The following CMTM8 variants were observed in gnomAD, a reference collection of about 807,000 sequenced individuals.
The protein encoded by CMTM8 is CKLF-like MARVEL transmembrane domain-containing protein 8.
A neutral mutation model predicts 18.6 loss-of-function variants in CMTM8; 12 were observed. The ratio of observed to expected loss-of-function variants is 0.65; its 90% CI spans 0.41 to 1.05. The LOEUF (loss-of-function observed/expected upper bound fraction) is 1.05. Among genes scored for constraint, CMTM8 ranks in the 50% least tolerant of loss-of-function variants. The pLI is 0.00. For missense variants in CMTM8, 217 were observed against 227.2 expected, an observed-to-expected ratio of 0.95 and a Z score of 0.29; for synonymous variants, 87 against 90.6, an observed-to-expected ratio of 0.96 and a Z score of 0.23.
chr3:32,242,545 C>T (rs1043614937), intron 1 of CMTM8, among the ~76,000 whole-genome samples: 1 of 152,074 alleles, frequency 6.6e-6, no homozygotes, highest in Admixed American at 6.6e-5. Context: ...TCAGGCTGGT[C>T]TCGAACTCCT....
At chr3:32,325,452 T>C (rs958505796) in intron 1 of CMTM8, among the ~76,000 whole-genome samples, 3 of 152,206 alleles carry the variant, frequency 2.0e-5, no homozygotes, top group African/African-American at 7.2e-5. Flanking sequence ...CTCTCTTTTT[T>C]TAAGACTCAA....
At chr3:32,307,510 G>A (rs1001013872) in intron 1 of CMTM8, among the ~76,000 whole-genome samples, 7 of 152,156 alleles carry the variant, frequency 4.6e-5, no homozygotes, top group African/African-American at 1.7e-4. Flanking sequence ...GAGATGATAA[G>A]TAAGTCCTTT....
At chr3:32,276,518 G>A (rs1391823879) in intron 1 of CMTM8, among the ~76,000 whole-genome samples, 1 of 152,176 alleles carries the variant, frequency 6.6e-6, no homozygotes, top group Non-Finnish European at 1.5e-5. Context: ...GTAATTGCCT[G>A]TGGCTAGCCA....
intron 1 of CMTM8, among the ~76,000 whole-genome samples, chr3:32,319,074 A>ATATATATATTTTTTTTTTTTTTTT: frequency 1.6e-4 from 5 of 31,526 alleles, no homozygotes; most frequent in Non-Finnish European, 1.5e-4. Flanking sequence ...ATATATATAT[A>ATATATATATTTTTTTTTTTTTTTT]TTTTTTTTTT....
intron 3 of CMTM8, among the ~76,000 whole-genome samples, chr3:32,368,835 A>C (rs1408462008): frequency 6.6e-6 from 1 of 151,748 alleles, no homozygotes; most frequent in African/African-American, 2.4e-5. Context: ...ATTAAAAAAA[A>C]CTGGTATTAA....
intron 1 of CMTM8, among the ~76,000 whole-genome samples, chr3:32,301,338 C>T (rs753819443): frequency 4.0e-5 from 6 of 150,000 alleles, no homozygotes; most frequent in Non-Finnish European, 7.4e-5. Context: ...CAAGAGCTGA[C>T]CTTTTCAAAA....
intron 1 of CMTM8, among the ~76,000 whole-genome samples, chr3:32,271,805 A>G (rs1702442853): frequency 6.6e-6 from 1 of 152,236 alleles, no homozygotes; most frequent in African/African-American, 2.4e-5. Flanking sequence ...GGCTAAAATT[A>G]AACAGTATTT....
At chr3:32,286,943 AGCCCT>A (rs1702697788) in intron 1 of CMTM8, among the ~76,000 whole-genome samples, 1 of 152,264 alleles carries the variant, frequency 6.6e-6, no homozygotes, top group South Asian at 2.1e-4. Flanking sequence ...TGTGGGCTCC[AGCCCT>A]GCCTGATAGC....
intron 1 of CMTM8, among the ~76,000 whole-genome samples, chr3:32,252,544 A>G (rs1216843861): frequency 2.0e-5 from 3 of 152,178 alleles, no homozygotes; most frequent in Non-Finnish European, 1.5e-5. Context: ...ATGTTCTTAA[A>G]GTGCTGAGTT....
chr3:32,278,967 G>C (rs964836059), intron 1 of CMTM8, among the ~76,000 whole-genome samples: 1 of 152,166 alleles, frequency 6.6e-6, no homozygotes, highest in South Asian at 2.1e-4. Context: ...TTACTGGCTC[G>C]TGTATCTGAC....
intron 1 of CMTM8, among the ~76,000 whole-genome samples, chr3:32,265,702 G>T (rs1272295094): frequency 2.1e-5 from 3 of 143,448 alleles, no homozygotes; most frequent in South Asian, 2.3e-4. Context: ...TTGATAGACC[G>T]CTAGCAAGAC....
chr3:32,351,420 T>A (rs1017832386), intron 1 of CMTM8, among the ~76,000 whole-genome samples: 2 of 152,074 alleles, frequency 1.3e-5, no homozygotes, highest in Non-Finnish European at 2.9e-5. Flanking sequence ...GAAAACCAAT[T>A]ATGTCGGCCA....
chr3:32,348,310 T>C (rs535951252), intron 1 of CMTM8, among the ~76,000 whole-genome samples: 2 of 152,260 alleles, frequency 1.3e-5, no homozygotes, highest in East Asian at 3.9e-4. Context: ...GTTTGTTCTC[T>C]GGTGGTTTAA....
chr3:32,347,356 G>A (rs865924334), intron 1 of CMTM8, among the ~76,000 whole-genome samples: 2 of 141,662 alleles, frequency 1.4e-5, no homozygotes, highest in African/African-American at 2.6e-5. Flanking sequence ...GAAACAACTC[G>A]CCTGCAGCTG....
intron 1 of CMTM8, among the ~76,000 whole-genome samples, chr3:32,353,809 G>A (rs1223354844): frequency 6.8e-6 from 1 of 146,852 alleles, no homozygotes; most frequent in Non-Finnish European, 1.5e-5. Context: ...TTTTGAGACG[G>A]AGTCTCCCTC....
At chr3:32,267,415 G>A (rs574918434) in intron 1 of CMTM8, among the ~76,000 whole-genome samples, 2 of 152,062 alleles carry the variant, frequency 1.3e-5, no homozygotes, top group African/African-American at 4.8e-5. Context: ...AAGCTGAAAC[G>A]GGACCCCTTC....
chr3:32,238,946 A>T lies in CMTM8; in HGVS notation c.-27A>T. The T allele has an allele frequency of 6.5e-7, 1 of 1,539,870 alleles. No individual in the cohort carries two copies. Among genetic ancestry groups the T allele is most frequent in the Non-Finnish European group, 8.8e-7 (1 of 1,141,894 alleles). The stretch of plus-strand genomic sequence containing the variant: ...CCCAGACCCGCCGGGGTCCCTGGGG[A>T]CGCGCCAGCCCGGCAGTGGCTCGAC... On this transcript the variant is annotated 5_prime_UTR_variant, in exon 1 of 4. Transcript: ENST00000307526.
intron 1 of CMTM8, among the ~76,000 whole-genome samples, chr3:32,254,821 G>A (rs4955270): frequency 0.99 from 151,300 of 152,228 alleles, 75,202 homozygotes; most frequent in Middle Eastern, 1. Flanking sequence ...ATAGCATTGT[G>A]CAATCATCTA....
intron 1 of CMTM8, among the ~76,000 whole-genome samples, chr3:32,322,058 C>G (rs1006201233): frequency 6.6e-6 from 1 of 152,212 alleles, no homozygotes; most frequent in African/African-American, 2.4e-5. Flanking sequence ...AGTTTGCTGA[C>G]TTCAGTGCTA....
Sources: gnomAD v4.1 joint callset for allele counts (sites outside exome capture counted in the v4.1 genomes callset) on GRCh38, gnomAD v4.1.1 for gene constraint, MANE v1.5 for transcripts, NCBI Gene and HGNC (gene_info 2026-07-23, HGNC 2026-07-21) for gene names.